PCDH7: variants seen among roughly 807,000 people sequenced by gnomAD.
PCDH7 encodes the protein protocadherin 7, also known as protocadherin-7.
In PCDH7, 17 loss-of-function variants were observed where a neutral mutation model predicts 58.9. The observed-to-expected ratio is 0.29, with a 90% confidence interval of 0.20 to 0.43. The LOEUF is 0.43. Among genes scored for constraint, PCDH7 ranks in the 20% least tolerant of loss-of-function variants. The pLI is 1.00. For missense variants in PCDH7, 1,274 were observed against 1,441.0 expected (o/e 0.88, Z 1.88); for synonymous variants, 664 against 616.4 (o/e 1.08, Z -1.14).
intron 3 of PCDH7, among the ~76,000 whole-genome samples, chr4:30,991,333 A>G (rs1351552426): frequency 6.6e-6 from 1 of 152,198 alleles, no homozygotes; most frequent in African/African-American, 2.4e-5. Context: ...CCTATGAAAG[A>G]TAATGTGAAA....
At chr4:31,001,618 A>G (rs1348082176) in intron 3 of PCDH7, among the ~76,000 whole-genome samples, 3 of 152,126 alleles carry the variant, frequency 2.0e-5, no homozygotes, top group Non-Finnish European at 2.9e-5. Flanking sequence ...CGGTTGACAC[A>G]CTCATTTATA....
chr4:30,855,461 C>A (rs574139980), intron 1 of PCDH7, among the ~76,000 whole-genome samples: 1 of 152,098 alleles, frequency 6.6e-6, no homozygotes, highest in South Asian at 2.1e-4. Context: ...CTGCTGTTTG[C>A]GGCAAACTCA....
At chr4:30,913,312 AT>A (rs1356812348) in intron 1 of PCDH7, among the ~76,000 whole-genome samples, 9 of 152,104 alleles carry the variant, frequency 5.9e-5, no homozygotes, top group African/African-American at 1.9e-4. Context: ...AATTAAAAAA[AT>A]AATAAAAATG....
At chr4:30,826,063 T>C (rs1396749250) in intron 1 of PCDH7, among the ~76,000 whole-genome samples, 1 of 152,150 alleles carries the variant, frequency 6.6e-6, no homozygotes, top group East Asian at 1.9e-4. Context: ...TGCCTCTTTC[T>C]CACTCTTTGT....
At chr4:30,782,128 A>G (rs1267518818) in intron 1 of PCDH7, among the ~76,000 whole-genome samples, 1 of 152,188 alleles carries the variant, frequency 6.6e-6, no homozygotes, top group Non-Finnish European at 1.5e-5. Context: ...TAATCATGAT[A>G]GAGTATGATA....
At chr4:31,024,190 C>T (rs577313100) in intron 3 of PCDH7, among the ~76,000 whole-genome samples, 9 of 152,012 alleles carry the variant, frequency 5.9e-5, no homozygotes, top group Non-Finnish European at 1.2e-4. Context: ...GAAAAATATG[C>T]GCTTTTTTCA....
intron 1 of PCDH7, among the ~76,000 whole-genome samples, chr4:30,784,073 T>C (rs1723116655): frequency 6.6e-6 from 1 of 152,112 alleles, no homozygotes; most frequent in Non-Finnish European, 1.5e-5. Flanking sequence ...GACTGAAAGA[T>C]TGGTTTGGTC....
At chr4:30,785,515 A>G (rs1437869800) in intron 1 of PCDH7, among the ~76,000 whole-genome samples, 1 of 152,116 alleles carries the variant, frequency 6.6e-6, no homozygotes, top group African/African-American at 2.4e-5. Context: ...TTCTAGAAGA[A>G]GACACCATTT....
intron 3 of PCDH7, among the ~76,000 whole-genome samples, chr4:31,091,389 A>G (rs1713228029): frequency 6.6e-6 from 1 of 151,898 alleles, no homozygotes; most frequent in African/African-American, 2.4e-5. Flanking sequence ...ACTTTTATAG[A>G]AATATATTAA....
chr4:30,764,416 T>C (rs987539546), intron 1 of PCDH7, among the ~76,000 whole-genome samples: 45 of 152,154 alleles, frequency 3.0e-4, no homozygotes, highest in African/African-American at 1.1e-3. Flanking sequence ...TAACTTTAAG[T>C]AGTGGTTCAG....
chr4:31,014,614 T>C (rs1222174097), intron 3 of PCDH7, among the ~76,000 whole-genome samples: 3 of 152,158 alleles, frequency 2.0e-5, no homozygotes, highest in Admixed American at 1.3e-4. Context: ...TAACAAAAAA[T>C]GTTATGTTTA....
In PCDH7 at chr4:31,135,441, G is replaced by T. The variant is rs370033541; in HGVS notation, c.*8-7032G>T. Among the ~76,000 whole-genome samples, 380 of 152,264 alleles carry T rather than the reference G, an allele frequency of 2.5e-3. 5 individuals carry two copies. The highest frequency in any genetic ancestry group is 0.024 in the Middle Eastern group (7 of 294). On this transcript the variant is annotated intron_variant, in intron 3 of 3. Coordinates refer to the PCDH7 transcript ENST00000509759. The stretch of plus-strand genomic sequence containing the variant: ...GTAGTAGGAGGATGCCTAATGTGGA[G>T]TAACCAGGATCCAGTGGCCAGCGTA...
chr4:31,047,358 A>G (rs1756371271), intron 3 of PCDH7, among the ~76,000 whole-genome samples: 1 of 152,028 alleles, frequency 6.6e-6, no homozygotes, highest in Admixed American at 6.6e-5. Flanking sequence ...CGGTGGTCTC[A>G]AAACTTGGTC....
intron 1 of PCDH7, among the ~76,000 whole-genome samples, chr4:30,766,262 G>T (rs574933733): frequency 6.6e-6 from 1 of 152,056 alleles, no homozygotes; most frequent in Admixed American, 6.6e-5. Flanking sequence ...CAAGAAGGGT[G>T]GTGCATGCCA....
intron 1 of PCDH7, among the ~76,000 whole-genome samples, chr4:30,778,449 G>A (rs1281527154): frequency 6.6e-6 from 1 of 151,816 alleles, no homozygotes; most frequent in Non-Finnish European, 1.5e-5. Context: ...ATATTGATTG[G>A]AAACATACCC....
At chr4:30,750,054 T>C (rs1414908768) in intron 1 of PCDH7, among the ~76,000 whole-genome samples, 1 of 152,182 alleles carries the variant, frequency 6.6e-6, no homozygotes, top group Non-Finnish European at 1.5e-5. Flanking sequence ...GGGATGTTGC[T>C]AAACCTCCTA....
chr4:30,735,132 G>T (rs1369505342), downstream of PCDH7, among the ~76,000 whole-genome samples: 1 of 152,028 alleles, frequency 6.6e-6, no homozygotes, highest in African/African-American at 2.4e-5. Context: ...TTTTGAGGGG[G>T]TATGAAGAAC....
At chr4:30,993,723 A>G in intron 3 of PCDH7, among the ~76,000 whole-genome samples, 1 of 152,094 alleles carries the variant, frequency 6.6e-6, no homozygotes, top group East Asian at 1.9e-4. Flanking sequence ...AGATTTGAAG[A>G]CCATCTTCAA....
intron 1 of PCDH7, among the ~76,000 whole-genome samples, chr4:30,787,672 T>C (rs2109295591): frequency 6.6e-6 from 1 of 151,918 alleles, no homozygotes; most frequent in East Asian, 1.9e-4. Context: ...TGAGGATGAA[T>C]TGCATGCTGG....
Sources: gnomAD v4.1 joint callset for allele counts (sites outside exome capture counted in the v4.1 genomes callset) on GRCh38, gnomAD v4.1.1 for gene constraint, MANE v1.5 for transcripts, NCBI Gene and HGNC (gene_info 2026-07-23, HGNC 2026-07-21) for gene names.